Variants in CDKAL1 observed in about 807,000 individuals in gnomAD.
CDKAL1 encodes the protein CDKAL1 threonylcarbamoyladenosine tRNA methylthiotransferase, also known as threonylcarbamoyladenosine tRNA methylthiotransferase.
CDKAL1 carries 32 observed loss-of-function variants against 68.2 expected under a neutral mutation model. That is an observed-to-expected ratio of 0.47 (90% CI 0.35 to 0.63). The LOEUF (loss-of-function observed/expected upper bound fraction) is 0.63, where lower values mean the gene tolerates loss of function less well. Among genes scored for constraint, CDKAL1 ranks in the 30% least tolerant of loss-of-function variants. The pLI is 0.00. For missense variants in CDKAL1, 606 were observed against 696.7 expected (o/e 0.87, Z 1.47); for synonymous variants, 234 against 244.3 (o/e 0.96, Z 0.39).
chr6:20,574,226 A>T (rs568213303), intron 4 of CDKAL1, among the ~76,000 whole-genome samples: 77 of 152,330 alleles, frequency 5.1e-4, no homozygotes, highest in African/African-American at 1.8e-3. Flanking sequence ...CTACAAAAAT[A>T]AACTATAAAA....
intron 11 of CDKAL1, among the ~76,000 whole-genome samples, chr6:21,014,341 C>G (rs534258079): frequency 2.1e-4 from 32 of 152,294 alleles, no homozygotes; most frequent in African/African-American, 7.7e-4. Flanking sequence ...TGGTGGCTCA[C>G]ACCTGTAATC....
chr6:20,597,675 A>G (rs1200066421), intron 4 of CDKAL1, among the ~76,000 whole-genome samples: 1 of 152,212 alleles, frequency 6.6e-6, no homozygotes, highest in Non-Finnish European at 1.5e-5. Context: ...TCGGCCTCCC[A>G]AAGTGCTGGG....
At chr6:21,154,655 T>C (rs568061594) in intron 13 of CDKAL1, among the ~76,000 whole-genome samples, 5 of 152,306 alleles carry the variant, frequency 3.3e-5, no homozygotes, top group African/African-American at 1.2e-4. Context: ...GTTGTTAAGC[T>C]TCAGTGGTGG....
At chr6:21,016,722 T>G (rs1338051435) in intron 11 of CDKAL1, among the ~76,000 whole-genome samples, 1 of 151,934 alleles carries the variant, frequency 6.6e-6, no homozygotes, top group Non-Finnish European at 1.5e-5. Context: ...ATCAGAAACT[T>G]TTTTTGGACT....
At position 20,561,085 on chromosome 6, in the gene CDKAL1, GTTCT is replaced by G. The variant is rs542642946; in HGVS notation, c.286+12385_286+12388del. ...ACATTTTCTTTTTTATGATGTGTGA[GTTCT>G]TTCTGTCTTTCTCATCTTTACCTTT... On this transcript the variant is annotated intron_variant, in intron 4 of 15. Transcript: ENST00000274695. 1.4e-3 allele frequency among the ~76,000 whole-genome samples: 220 copies of G among 152,188 alleles called. 2 individuals carry two copies. The highest frequency in any genetic ancestry group is 5.2e-3 in the African/African-American group (214 of 41,512).
chr6:20,858,731 T>C (rs955740117), intron 9 of CDKAL1, among the ~76,000 whole-genome samples: 1 of 152,172 alleles, frequency 6.6e-6, no homozygotes. Context: ...AAATTGCATG[T>C]AATAATGTTT....
chr6:20,630,616 C>T (rs1486650211), intron 4 of CDKAL1, among the ~76,000 whole-genome samples: 1 of 151,954 alleles, frequency 6.6e-6, no homozygotes, highest in African/African-American at 2.4e-5. Context: ...AATAAATGTG[C>T]AAAGCCTGAT....
At chr6:21,196,660 G>A (rs1778480362) in intron 13 of CDKAL1, among the ~76,000 whole-genome samples, 1 of 152,212 alleles carries the variant, frequency 6.6e-6, no homozygotes, top group African/African-American at 2.4e-5. Flanking sequence ...TAGTGCAGCT[G>A]TGTTTATGTT....
chr6:20,859,270 C>A (rs748673804), intron 9 of CDKAL1, among the ~76,000 whole-genome samples: 1 of 151,112 alleles, frequency 6.6e-6, no homozygotes, highest in Admixed American at 6.6e-5. Flanking sequence ...AAAGTGAGAT[C>A]CTGACTCAGA....
chr6:20,918,515 A>G (rs1353182753), intron 9 of CDKAL1, among the ~76,000 whole-genome samples: 2 of 152,200 alleles, frequency 1.3e-5, no homozygotes, highest in Non-Finnish European at 2.9e-5. Context: ...CTTCCTTCCG[A>G]TTGGAAGCTG....
At chr6:20,803,897 C>T (rs1262275511) in intron 8 of CDKAL1, among the ~76,000 whole-genome samples, 2 of 151,970 alleles carry the variant, frequency 1.3e-5, no homozygotes, top group African/African-American at 4.8e-5. Context: ...GGTGGAAGTG[C>T]TTAGGATAAT....
chr6:20,571,932 A>G (rs1764720736), intron 4 of CDKAL1, among the ~76,000 whole-genome samples: 1 of 152,148 alleles, frequency 6.6e-6, no homozygotes, highest in South Asian at 2.1e-4. Context: ...TTTATTCTGG[A>G]AAATTGAAAT....
At chr6:21,117,686 C>T (rs188958661) in intron 13 of CDKAL1, among the ~76,000 whole-genome samples, 1 of 152,100 alleles carries the variant, frequency 6.6e-6, no homozygotes, top group Non-Finnish European at 1.5e-5. Context: ...AGCTGTGTGC[C>T]CTGTTTTTAA....
chr6:21,168,494 C>T (rs954618088), intron 13 of CDKAL1, among the ~76,000 whole-genome samples: 1 of 152,232 alleles, frequency 6.6e-6, no homozygotes, highest in Non-Finnish European at 1.5e-5. Flanking sequence ...GACATAGCTA[C>T]ACATGAGAAA....
chr6:20,739,931 C>G (rs565153633), intron 6 of CDKAL1, among the ~76,000 whole-genome samples: 19 of 152,178 alleles, frequency 1.2e-4, no homozygotes, highest in Non-Finnish European at 2.5e-4. Context: ...AGTTTTTCCA[C>G]CTCACTCAGC....
At chr6:21,156,259 A>G (rs1162358081) in intron 13 of CDKAL1, among the ~76,000 whole-genome samples, 1 of 151,810 alleles carries the variant, frequency 6.6e-6, no homozygotes, top group Non-Finnish European at 1.5e-5. Context: ...TGTCTCTATA[A>G]AAAATTTTTA....
intron 15 of CDKAL1, among the ~76,000 whole-genome samples, chr6:21,223,369 T>A (rs1779605884): frequency 6.6e-6 from 1 of 152,222 alleles, no homozygotes; most frequent in Non-Finnish European, 1.5e-5. Flanking sequence ...GCTACTTCAC[T>A]GAGTAGTCTG....
At chr6:21,156,782 T>G (rs1174617749) in intron 13 of CDKAL1, among the ~76,000 whole-genome samples, 1 of 151,974 alleles carries the variant, frequency 6.6e-6, no homozygotes, top group Non-Finnish European at 1.5e-5. Flanking sequence ...GCTGGAGAGG[T>G]GCAGAGAGAT....
chr6:20,965,235 C>T (rs900038535), intron 10 of CDKAL1, among the ~76,000 whole-genome samples: 2 of 150,572 alleles, frequency 1.3e-5, no homozygotes, highest in Non-Finnish European at 1.5e-5. Context: ...TCACTTGGAC[C>T]CAGGAGTTCA....
Sources: gnomAD v4.1 joint callset for allele counts (sites outside exome capture counted in the v4.1 genomes callset) on GRCh38, gnomAD v4.1.1 for gene constraint, MANE v1.5 for transcripts, NCBI Gene and HGNC (gene_info 2026-07-23, HGNC 2026-07-21) for gene names.